The following LRRIQ1 variants were observed in gnomAD, a reference collection of about 807,000 sequenced individuals.
LRRIQ1 encodes the protein leucine rich repeats and IQ motif containing 1, also known as leucine-rich repeat- and IQ domain-containing protein 1.
LRRIQ1 carries 210 observed loss-of-function variants against 211.9 expected under a neutral mutation model. The ratio of observed to expected loss-of-function variants is 0.99; its 90% CI spans 0.89 to 1.11. The LOEUF is 1.11. Ranked by LOEUF, LRRIQ1 falls within the 50% of genes most tolerant of loss-of-function variation. The pLI, the probability that LRRIQ1 is intolerant of heterozygous loss-of-function variation, is 0.00. For synonymous variants in LRRIQ1, 699 were observed against 650.1 expected (o/e 1.08, Z -1.14); for missense variants, 2,136 against 1,939.5 (o/e 1.10, Z -1.90).
intron 24 of LRRIQ1, among the ~76,000 whole-genome samples, chr12:85,203,888 C>T (rs1278919761): frequency 6.6e-6 from 1 of 152,102 alleles, no homozygotes. Flanking sequence ...AAGCAGGCTG[C>T]AGAAATTTGC....
chr12:85,235,558 G>T (rs1418203537), intron 26 of LRRIQ1, among the ~76,000 whole-genome samples: 1 of 152,186 alleles, frequency 6.6e-6, no homozygotes, highest in Non-Finnish European at 1.5e-5. Flanking sequence ...CTCCTCAGGA[G>T]AAAGTATGAC....
chr12:85,072,365 T>C (rs1386711117), intron 10 of LRRIQ1, among the ~76,000 whole-genome samples: 1 of 152,040 alleles, frequency 6.6e-6, no homozygotes, highest in Non-Finnish European at 1.5e-5. Context: ...ATGAATGTTT[T>C]AGGTGTACTT....
At chr12:85,126,726 A>T (rs1340333079) in intron 17 of LRRIQ1, among the ~76,000 whole-genome samples, 1 of 152,142 alleles carries the variant, frequency 6.6e-6, no homozygotes, top group East Asian at 1.9e-4. Context: ...AATGGGGATG[A>T]TGATGTTAAC....
intron 11 of LRRIQ1, among the ~76,000 whole-genome samples, chr12:85,095,453 A>C (rs1885788405): frequency 6.6e-6 from 1 of 152,218 alleles, no homozygotes; most frequent in Non-Finnish European, 1.5e-5. Flanking sequence ...CTGGCATCCC[A>C]GTAATAAAGT....
chr12:85,174,847 T>C (rs1415676739), intron 24 of LRRIQ1, among the ~76,000 whole-genome samples: 1 of 151,814 alleles, frequency 6.6e-6, no homozygotes, highest in African/African-American at 2.4e-5. Flanking sequence ...GCCCACTAAA[T>C]GTTAGGAAAA....
At chr12:85,113,512 C>A (rs2136365524) in intron 15 of LRRIQ1, among the ~76,000 whole-genome samples, 1 of 152,146 alleles carries the variant, frequency 6.6e-6, no homozygotes, top group African/African-American at 2.4e-5. Flanking sequence ...TTACATAGTA[C>A]CAGCACAGTC....
rs1592852006 is a variant in LRRIQ1 at position 85,130,872 on chromosome 12, C to T, written c.4209+2839C>T. On this transcript the variant is annotated intron_variant, in intron 18 of 26. Transcript: ENST00000393217. Reference sequence around the variant, plus strand: ...CTGGCATAGAGCCAGACTAGATTTCCAAGCTTTCCTTGCAATTGAGCTCTC... The same window carrying T: ...CTGGCATAGAGCCAGACTAGATTTCTAAGCTTTCCTTGCAATTGAGCTCTC... Among the ~76,000 whole-genome samples the T allele has an allele frequency of 2.0e-5, 3 of 152,086 alleles. No homozygotes were observed. The South Asian group carries it at 6.2e-4, about 32-fold the overall frequency.
In LRRIQ1 at chr12:85,124,484, G is replaced by A. The variant is rs751321415; in HGVS notation, c.3972G>A (p.Leu1324=). The change falls in exon 17 of 27, where the codon CTG becomes CTA. Residue 1324 remains leucine, a synonymous_variant. Transcript: ENST00000393217. ...FKEVVMTNSL[L]RNHQNIEPSE... is the part of the protein sequence containing the mutation. ...AAGTAGTAATGACAAATTCTTTGCT[G>A]AGGAATCACCAAAATATTGAGCCTA... 17 of 1,612,992 alleles carry A rather than the reference G, an allele frequency of 1.1e-5. No homozygotes were observed. The highest frequency in any genetic ancestry group is 1.4e-5 in the Non-Finnish European group (16 of 1,179,980).
intron 11 of LRRIQ1, among the ~76,000 whole-genome samples, chr12:85,085,684 G>A (rs535011204): frequency 6.6e-6 from 1 of 152,312 alleles, no homozygotes; most frequent in African/African-American, 2.4e-5. Flanking sequence ...TTGAGAAGAT[G>A]TAGTATTTGG....
intron 11 of LRRIQ1, among the ~76,000 whole-genome samples, chr12:85,093,384 G>A (rs539927938): frequency 6.6e-6 from 1 of 152,284 alleles, no homozygotes; most frequent in Admixed American, 6.5e-5. Flanking sequence ...TGAAATTAAT[G>A]TTTTGCAGGA....
At chr12:85,121,900 A>G in intron 16 of LRRIQ1, 24 bp downstream of exon 16, 1 of 1,522,878 alleles carries the variant, frequency 6.6e-7, no homozygotes, top group South Asian at 1.2e-5. Flanking sequence ...CTTCCCATTG[A>G]TGTATTTAGA....
At chr12:85,038,456 G>C in intron 2 of LRRIQ1, 148 bp downstream of exon 2, 1 of 386,894 alleles carries the variant, frequency 2.6e-6, no homozygotes, top group Non-Finnish European at 4.0e-6. Context: ...AATATATATA[G>C]TCACCTATAC....
At chr12:85,199,570 C>G (rs1332762265) in intron 24 of LRRIQ1, among the ~76,000 whole-genome samples, 1 of 151,936 alleles carries the variant, frequency 6.6e-6, no homozygotes, top group Admixed American at 6.6e-5. Flanking sequence ...GAAGAAATAC[C>G]CGAGACTGGG....
In LRRIQ1 at chr12:85,056,950, A is replaced by C; in HGVS notation, c.2157A>C (p.Ala719=). The change falls in exon 8 of 27, where the codon GCA becomes GCC. Residue 719 remains alanine, a synonymous_variant. Coordinates refer to ENST00000393217, the MANE Select transcript of LRRIQ1 (RefSeq NM_001079910.2). ...TTTCAGAAAAATGCCATGAAAATGCACCTGAACCTGATAGCATGACCTGCT... is the reference window on the plus strand; with the variant it reads ...TTTCAGAAAAATGCCATGAAAATGCCCCTGAACCTGATAGCATGACCTGCT... The part of the protein sequence containing the change: ...RNISEKCHEN[A]PEPDSMTCCV... 1 of 1,612,542 alleles carries C rather than the reference A, an allele frequency of 6.2e-7. No homozygotes were observed. The highest frequency in any genetic ancestry group is 8.5e-7 in the Non-Finnish European group (1 of 1,179,284).
chr12:85,236,750 G>C (rs1005596557), intron 26 of LRRIQ1, among the ~76,000 whole-genome samples: 10 of 145,936 alleles, frequency 6.9e-5, no homozygotes, highest in Non-Finnish European at 1.5e-5. Context: ...ATATATATTT[G>C]GATATATATA....
At chr12:85,142,942 A>G (rs990564270) in intron 19 of LRRIQ1, among the ~76,000 whole-genome samples, 21 of 151,698 alleles carry the variant, frequency 1.4e-4, no homozygotes, top group African/African-American at 4.1e-4. Context: ...TCTCTTCAAC[A>G]TACTGATTTT....
Position 85,244,997 on chromosome 12 carries a change from G to A in LRRIQ1, c.*56G>A. On this transcript the variant is annotated 3_prime_UTR_variant, in exon 27 of 27. Transcript: ENST00000393217. ...CCAACAAGCATTCTTTTTCAGATAG[G>A]GGGTAGGATGCCAGCAACCTGAACT... 9 of 1,580,924 alleles carry A rather than the reference G, an allele frequency of 5.7e-6. No homozygotes were observed. In the Admixed American group the frequency reaches 1.4e-4, roughly 25 times the overall value.
chr12:85,211,644 A>G (rs1394445780), intron 24 of LRRIQ1, among the ~76,000 whole-genome samples: 1 of 152,184 alleles, frequency 6.6e-6, no homozygotes, highest in Non-Finnish European at 1.5e-5. Flanking sequence ...TATTTACTGT[A>G]TTCAAATGAT....
intron 19 of LRRIQ1, among the ~76,000 whole-genome samples, chr12:85,143,892 T>G (rs1438377758): frequency 6.6e-6 from 1 of 151,632 alleles, no homozygotes; most frequent in Non-Finnish European, 1.5e-5. Context: ...TGTCCCTGTA[T>G]TGAGCCAGAA....
Sources: gnomAD v4.1 joint callset for allele counts (sites outside exome capture counted in the v4.1 genomes callset) on GRCh38, gnomAD v4.1.1 for gene constraint, MANE v1.5 for transcripts, NCBI Gene and HGNC (gene_info 2026-07-23, HGNC 2026-07-21) for gene names.